The following DIAPH3 variants were observed in gnomAD, a reference collection of about 807,000 sequenced individuals.
DIAPH3 encodes diaphanous related formin 3.
Under a neutral mutation model 144.3 loss-of-function variants are expected in DIAPH3, and 117 were observed. The ratio of observed to expected loss-of-function variants is 0.81; its 90% CI spans 0.70 to 0.95. The LOEUF is 0.95. DIAPH3 is among the 40% of genes least tolerant of loss of function. DIAPH3 has a pLI of 0.00. For synonymous variants in DIAPH3, 519 were observed against 488.9 expected, an observed-to-expected ratio of 1.06 and a Z score of -0.81; for missense variants, 1,421 against 1,412.7, an observed-to-expected ratio of 1.01 and a Z score of -0.09.
At chr13:59,844,632 C>G (rs976108065) in intron 22 of DIAPH3, among the ~76,000 whole-genome samples, 5 of 152,044 alleles carry the variant, frequency 3.3e-5, no homozygotes, top group Non-Finnish European at 2.9e-5. Context: ...TTTTATCTTT[C>G]AATCTTCTCA....
chr13:60,111,225 C>T (rs1428608226), intron 3 of DIAPH3, among the ~76,000 whole-genome samples: 1 of 152,092 alleles, frequency 6.6e-6, no homozygotes, highest in Non-Finnish European at 1.5e-5. Flanking sequence ...TTAACAGAGG[C>T]AAAGGCTAAC....
chr13:59,963,893 G>T (rs555784658), intron 17 of DIAPH3, among the ~76,000 whole-genome samples: 9 of 152,270 alleles, frequency 5.9e-5, no homozygotes, highest in South Asian at 2.1e-4. Context: ...TTACAATAGT[G>T]CATTCAGAAG....
chr13:59,841,846 A>T (rs2042365816), intron 22 of DIAPH3, among the ~76,000 whole-genome samples: 1 of 152,130 alleles, frequency 6.6e-6, no homozygotes. Context: ...GAACATCATG[A>T]AGTAGGCATT....
At chr13:59,930,014 T>C (rs1171502087) in intron 17 of DIAPH3, among the ~76,000 whole-genome samples, 1 of 152,244 alleles carries the variant, frequency 6.6e-6, no homozygotes. Context: ...TTCCTTATCA[T>C]AAACATGGCA....
chr13:60,001,834 G>A (rs1739948865), intron 9 of DIAPH3, among the ~76,000 whole-genome samples: 1 of 152,168 alleles, frequency 6.6e-6, no homozygotes, highest in Admixed American at 6.5e-5. Context: ...TTACTCTGGG[G>A]AGCTTCCTGG....
At chr13:60,071,461 A>G (rs1005908980) in intron 4 of DIAPH3, among the ~76,000 whole-genome samples, 2 of 152,182 alleles carry the variant, frequency 1.3e-5, no homozygotes, top group Non-Finnish European at 2.9e-5. Flanking sequence ...CTCCATTTTT[A>G]CAGAAAGGTT....
intron 27 of DIAPH3, among the ~76,000 whole-genome samples, chr13:59,757,265 A>G (rs1158746473): frequency 6.6e-6 from 1 of 152,142 alleles, no homozygotes; most frequent in Non-Finnish European, 1.5e-5. Context: ...ATATGTATAA[A>G]AAGATTCAAA....
chr13:59,813,248 C>T (rs1328966859), intron 24 of DIAPH3, among the ~76,000 whole-genome samples: 1 of 151,878 alleles, frequency 6.6e-6, no homozygotes, highest in African/African-American at 2.4e-5. Context: ...ACTTGTTAGC[C>T]TGTTAGTAGG....
intron 27 of DIAPH3, among the ~76,000 whole-genome samples, chr13:59,749,608 G>T (rs1177344733): frequency 6.8e-6 from 1 of 146,474 alleles, no homozygotes; most frequent in Non-Finnish European, 1.5e-5. Flanking sequence ...GCTTATGAAA[G>T]AATATCTCAG....
At chr13:59,925,736 A>G (rs1020160512) in intron 17 of DIAPH3, among the ~76,000 whole-genome samples, 4 of 151,930 alleles carry the variant, frequency 2.6e-5, no homozygotes, top group African/African-American at 7.3e-5. Flanking sequence ...CAGGTTTCCT[A>G]TTCTTTCTGA....
At chr13:59,685,974 T>A (rs779207878) in intron 27 of DIAPH3, among the ~76,000 whole-genome samples, 1 of 152,132 alleles carries the variant, frequency 6.6e-6, no homozygotes, top group Non-Finnish European at 1.5e-5. Flanking sequence ...CAAGTTAACA[T>A]TGCAGTAGTT....
At chr13:59,680,402 T>C (rs1000189323) in intron 27 of DIAPH3, among the ~76,000 whole-genome samples, 3 of 152,156 alleles carry the variant, frequency 2.0e-5, no homozygotes, top group Non-Finnish European at 2.9e-5. Flanking sequence ...TGCTGACACA[T>C]TGCAAGCATT....
At chr13:60,077,832 C>T (rs1566744742) in intron 4 of DIAPH3, among the ~76,000 whole-genome samples, 2 of 152,092 alleles carry the variant, frequency 1.3e-5, no homozygotes, top group Non-Finnish European at 1.5e-5. Flanking sequence ...TCTAAATATA[C>T]GCCCCATTAT....
intron 27 of DIAPH3, among the ~76,000 whole-genome samples, chr13:59,743,387 G>A (rs112904999): frequency 3.3e-5 from 5 of 152,130 alleles, no homozygotes; most frequent in African/African-American, 7.2e-5. Flanking sequence ...AGTAGTGGTC[G>A]TGAGTAAGGC....
rs770360523 is a variant in DIAPH3, at chr13:59,800,813, A to G, written c.3163+9975T>C. On this transcript the variant is annotated intron_variant, in intron 25 of 27. Transcript: ENST00000400324. ...ACGATCATAAACAATATTTTCATCT[A>G]CCAAAGCCAAAATCACAGAGTACAA... is the stretch of plus-strand genomic sequence containing the variant. Among the ~76,000 whole-genome samples the G allele has an allele frequency of 5.3e-5, 8 of 152,154 alleles. 1 individual carries two copies. Among genetic ancestry groups the G allele is most frequent in the Non-Finnish European group, 1.2e-4 (8 of 68,020 alleles).
chr13:60,003,832 G>A (rs1481557817), intron 9 of DIAPH3, among the ~76,000 whole-genome samples: 5 of 151,812 alleles, frequency 3.3e-5, no homozygotes, highest in East Asian at 1.9e-4. Flanking sequence ...CGTCTGTCTC[G>A]GCCTCCCAAA....
intron 4 of DIAPH3, among the ~76,000 whole-genome samples, chr13:60,084,007 CAGATAGATAGAT>C (rs71089524): frequency 0.013 from 1,824 of 136,486 alleles, 22 homozygotes; most frequent in East Asian, 0.017. Flanking sequence ...GATAGATAGA[CAGATAGATAGAT>C]AGATAGATAG....
intron 17 of DIAPH3, among the ~76,000 whole-genome samples, chr13:59,966,831 T>C (rs1384602963): frequency 6.6e-6 from 1 of 152,112 alleles, no homozygotes; most frequent in Admixed American, 6.5e-5. Flanking sequence ...GTCCAAACAG[T>C]TACTACTGCA....
At chr13:59,817,770 T>C (rs2040854355) in intron 24 of DIAPH3, among the ~76,000 whole-genome samples, 1 of 151,996 alleles carries the variant, frequency 6.6e-6, no homozygotes, top group South Asian at 2.1e-4. Flanking sequence ...TTGATATTTC[T>C]ATCCTTTCAC....
Sources: allele counts gnomAD v4.1 joint callset (sites outside exome capture counted in the v4.1 genomes callset), GRCh38; gene constraint gnomAD v4.1.1; transcripts MANE v1.5; gene names NCBI Gene and HGNC (gene_info 2026-07-23, HGNC 2026-07-21).